ZNF362: variants seen among roughly 807,000 people sequenced by gnomAD.
ZNF362 encodes the protein rotund homolog.
A neutral mutation model predicts 42.9 loss-of-function variants in ZNF362; 11 were observed. That is an observed-to-expected ratio of 0.26 (90% CI 0.16 to 0.42). ZNF362 has a LOEUF of 0.42. Among genes scored for constraint, ZNF362 ranks in the 20% least tolerant of loss-of-function variants. The pLI is 1.00. For synonymous variants in ZNF362, 255 were observed against 257.3 expected, an observed-to-expected ratio of 0.99 and a Z score of 0.09; for missense variants, 362 against 576.2, an observed-to-expected ratio of 0.63 and a Z score of 3.81.
chr1:33,244,891 G>T, the ZNF362 span, among the ~76,000 whole-genome samples: 1 of 152,158 alleles, frequency 6.6e-6, no homozygotes, highest in African/African-American at 2.4e-5. The surrounding 1 kb of genome is among the most constrained non-coding windows in gnomAD (Gnocchi z 4.0). Flanking sequence ...TTTTCTTCAT[G>T]GGACTGCCAA....
the ZNF362 span, among the ~76,000 whole-genome samples, chr1:33,183,814 C>G: frequency 3.3e-5 from 5 of 152,180 alleles, no homozygotes; most frequent in East Asian, 9.6e-4. Flanking sequence ...GAAGGGAGGG[C>G]AAGGCCAAGA....
At chr1:33,127,598 G>C in the ZNF362 span, among the ~76,000 whole-genome samples, 1 of 150,064 alleles carries the variant, frequency 6.7e-6, no homozygotes, top group Admixed American at 6.6e-5. Flanking sequence ...GGTAACACCG[G>C]AAGTGGGCTT....
the ZNF362 span, among the ~76,000 whole-genome samples, chr1:33,224,332 T>A: frequency 6.6e-6 from 1 of 152,160 alleles, no homozygotes; most frequent in Non-Finnish European, 1.5e-5. Context: ...TGGCAACAGA[T>A]CAGACACAAC....
upstream of ZNF362, among the ~76,000 whole-genome samples, chr1:33,255,984 T>C (rs1425963531): frequency 6.6e-6 from 1 of 151,330 alleles, no homozygotes; most frequent in African/African-American, 2.4e-5. Flanking sequence ...CCGCCGGGCC[T>C]GGGCAGGACA....
chr1:33,180,959 C>CA, the ZNF362 span: 1 of 483,006 alleles, frequency 2.1e-6, no homozygotes. Context: ...GCCCTGACCC[C>CA]ACCCCCCGCC....
chr1:33,159,976 G>C, the ZNF362 span: 4 of 1,587,992 alleles, frequency 2.5e-6, no homozygotes, highest in South Asian at 2.2e-5. This position sits in a 1 kb window ranked among gnomAD's most constrained non-coding sequence, Gnocchi z 4.2. Flanking sequence ...GGTTATGGCT[G>C]GGGGAGCAGA....
chr1:33,186,503 A>G, the ZNF362 span, among the ~76,000 whole-genome samples: 1 of 151,346 alleles, frequency 6.6e-6, no homozygotes, highest in African/African-American at 2.4e-5. Context: ...CTAAGCAGAA[A>G]CACACATAAA....
chr1:33,196,261 T>C, the ZNF362 span: 25,605 of 152,012 alleles, frequency 0.17, 2,495 homozygotes, highest in South Asian at 0.27. Flanking sequence ...GCGCCTGTAA[T>C]CCCAGCTACT....
chr1:33,288,947 T>A (rs553416789), intron 6 of ZNF362, among the ~76,000 whole-genome samples: 2 of 152,134 alleles, frequency 1.3e-5, no homozygotes, highest in African/African-American at 4.8e-5. Context: ...AAAGAACAGG[T>A]AGCCTGGTCC....
At position 33,276,592 on chromosome 1, in the gene ZNF362, CAGGT is replaced by C; in HGVS notation, c.349+2_349+5del. On this transcript the variant is annotated splice_donor_variant and coding_sequence_variant, in exon 4 of 9. Transcript: ENST00000539719. LOFTEE classifies it high-confidence loss of function. Reference sequence around the variant, plus strand: ...GCACGGCCGGCCACCAGCACCGTCACAGGTAGGCCGAGCGGGCGGGGCCGGCGGG... The same window carrying C: ...GCACGGCCGGCCACCAGCACCGTCACAGGCCGAGCGGGCGGGGCCGGCGGG... The C allele has an allele frequency of 7.4e-7, 1 of 1,347,420 alleles. No individual in the cohort carries two copies. Among genetic ancestry groups the C allele is most frequent in the Non-Finnish European group, 9.5e-7 (1 of 1,055,256 alleles). The allele number at this position is 1,347,420 out of a possible 1,614,324, so 83.5% of individuals were successfully genotyped here. A position where few individuals can be genotyped will look rare whatever the true frequency, so the allele number is the denominator to read the frequency against.
chr1:33,177,187 C>T, the ZNF362 span, among the ~76,000 whole-genome samples: 8,208 of 152,242 alleles, frequency 0.054, 424 homozygotes, highest in African/African-American at 0.13. This position sits in a 1 kb window ranked among gnomAD's most constrained non-coding sequence, Gnocchi z 4.1. Context: ...TGTATAGTAA[C>T]TCCTGCCATG....
chr1:33,280,446 C>G lies in ZNF362; in HGVS notation c.672C>G (p.Gly224=), dbSNP rs1444445461. The G allele has an allele frequency of 1.3e-6, 2 of 1,593,784 alleles. No homozygotes were observed. Among genetic ancestry groups the G allele is most frequent in the East Asian group, 4.5e-5 (2 of 43,996 alleles). Residue 224 remains glycine, a synonymous_variant, in exon 5 of 9, where the codon GGC becomes GGG. Coordinates refer to ENST00000539719, the MANE Select transcript of ZNF362 (RefSeq NM_152493.3). The surrounding 1 kb of genome is among the most constrained non-coding windows in gnomAD (Gnocchi z 5.6). ...ILASGETAKE[G]KTYRCKVCPL... is the part of the protein sequence containing the mutation. ...CCTCGGGCGAGACTGCCAAGGAGGG[C>G]AAGACGTACAGGTGGGGGTCTTGGC...
chr1:33,179,795 G>A, the ZNF362 span, among the ~76,000 whole-genome samples: 1 of 152,160 alleles, frequency 6.6e-6, no homozygotes. Context: ...TTGAAAAAAG[G>A]ATTCCAGGCC....
chr1:33,209,762 T>G, the ZNF362 span, among the ~76,000 whole-genome samples: 1 of 152,226 alleles, frequency 6.6e-6, no homozygotes, highest in Non-Finnish European at 1.5e-5. Context: ...GTGGGATCGG[T>G]GGTGATATCC....
the ZNF362 span, among the ~76,000 whole-genome samples, chr1:33,209,891 T>A: frequency 2.6e-5 from 4 of 151,606 alleles, no homozygotes; most frequent in Non-Finnish European, 1.5e-5. Context: ...GATTCATTGA[T>A]TTTTTTTTGA....
At chr1:33,149,442 C>G in the ZNF362 span, among the ~76,000 whole-genome samples, 1 of 149,516 alleles carries the variant, frequency 6.7e-6, no homozygotes, top group Non-Finnish European at 1.5e-5. Context: ...GCATGAGCCA[C>G]TGTGCTGGAT....
the ZNF362 span, among the ~76,000 whole-genome samples, chr1:33,223,466 A>C: frequency 6.6e-6 from 1 of 152,214 alleles, no homozygotes; most frequent in Non-Finnish European, 1.5e-5. Flanking sequence ...GGATTAATAC[A>C]CTTAGCTAAA....
the ZNF362 span, among the ~76,000 whole-genome samples, chr1:33,175,478 A>G: frequency 6.6e-6 from 1 of 152,314 alleles, no homozygotes; most frequent in Non-Finnish European, 1.5e-5. Context: ...CTGAGTCGGG[A>G]GAGCTGAGCT....
intron 1 of ZNF362, chr1:33,261,572 A>G (rs1261957247): frequency 2.0e-5 from 3 of 152,180 alleles, no homozygotes; most frequent in African/African-American, 4.8e-5. Flanking sequence ...CTGAGTTCCT[A>G]TCTCTTTAGC....
Sources: allele counts gnomAD v4.1 joint callset (sites outside exome capture counted in the v4.1 genomes callset), GRCh38; gene constraint gnomAD v4.1.1; non-coding constraint Gnocchi (gnomAD v3.1); transcripts MANE v1.5; gene names NCBI Gene and HGNC (gene_info 2026-07-23, HGNC 2026-07-21).